EYS: variants seen among roughly 807,000 people sequenced by gnomAD.
The protein encoded by EYS is EGF-like photoreceptor maintenance factor.
Under a neutral mutation model 282.1 loss-of-function variants are expected in EYS, and 250 were observed. That is an observed-to-expected ratio of 0.89 (90% confidence interval 0.80 to 0.98). The LOEUF is 0.98. Ranked by LOEUF, EYS falls within the 50% of genes least tolerant of loss-of-function variation. The probability of loss-of-function intolerance (pLI) is 0.00; values close to 1 mark genes in which losing one functional copy is unlikely to be tolerated. For missense variants in EYS, 4,016 were observed against 3,709.0 expected, an observed-to-expected ratio of 1.08 and a Z score of -2.15; for synonymous variants, 1,355 against 1,282.9, an observed-to-expected ratio of 1.06 and a Z score of -1.20.
chr6:64,653,575 T>C (rs1419340591), intron 22 of EYS, among the ~76,000 whole-genome samples: 2 of 152,082 alleles, frequency 1.3e-5, no homozygotes, highest in Admixed American at 6.6e-5. Flanking sequence ...ATTGTCTTTC[T>C]TTTCATTTTT....
intron 12 of EYS, among the ~76,000 whole-genome samples, chr6:65,192,030 T>C (rs1437580729): frequency 6.6e-6 from 1 of 151,770 alleles, no homozygotes; most frequent in African/African-American, 2.4e-5. Context: ...GCTGTTTAAA[T>C]TGAAATGGCC....
intron 28 of EYS, among the ~76,000 whole-genome samples, chr6:64,394,253 C>A (rs1193147614): frequency 2.6e-5 from 4 of 151,980 alleles, no homozygotes; most frequent in East Asian, 1.9e-4. Flanking sequence ...GCTACCAATG[C>A]CTTTCTTCAC....
At chr6:64,235,384 C>T (rs1286233452) in intron 30 of EYS, among the ~76,000 whole-genome samples, 2 of 151,938 alleles carry the variant, frequency 1.3e-5, no homozygotes, top group Non-Finnish European at 2.9e-5. Context: ...ATGATGATTT[C>T]CAATTTCATC....
intron 30 of EYS, among the ~76,000 whole-genome samples, chr6:64,278,140 T>C (rs991686369): frequency 6.6e-6 from 1 of 152,128 alleles, no homozygotes; most frequent in Non-Finnish European, 1.5e-5. Flanking sequence ...CCTTATGAGA[T>C]AGTAAATTCC....
intron 15 of EYS, among the ~76,000 whole-genome samples, chr6:64,916,832 C>A (rs1395080458): frequency 2.0e-5 from 3 of 152,126 alleles, no homozygotes; most frequent in South Asian, 2.1e-4. Context: ...GTGAGAAAAT[C>A]TAAATTCATT....
At chr6:65,572,726 T>C (rs543868035) in intron 2 of EYS, among the ~76,000 whole-genome samples, 1 of 152,212 alleles carries the variant, frequency 6.6e-6, no homozygotes, top group African/African-American at 2.4e-5. Flanking sequence ...ATAGCAAAAT[T>C]GTCCAACAAT....
At chr6:65,528,308 C>T (rs920190738) in intron 2 of EYS, among the ~76,000 whole-genome samples, 1 of 152,104 alleles carries the variant, frequency 6.6e-6, no homozygotes, top group Non-Finnish European at 1.5e-5. Context: ...TACAATCTAC[C>T]AACTAGGTTC....
At chr6:65,306,859 A>AAAAAAAAAAAAAAAAG (rs1346343044) in intron 11 of EYS, among the ~76,000 whole-genome samples, 8 of 142,392 alleles carry the variant, frequency 5.6e-5, no homozygotes, top group Non-Finnish European at 9.2e-5. Flanking sequence ...AAAAAAAAAA[A>AAAAAAAAAAAAAAAAG]AAAGAAAGTC....
chr6:65,478,421 C>A (rs1292039475), intron 5 of EYS, among the ~76,000 whole-genome samples: 1 of 152,000 alleles, frequency 6.6e-6, no homozygotes, highest in Non-Finnish European at 1.5e-5. Context: ...TTATGCCAAA[C>A]AATAACAAAA....
At position 65,495,470 on chromosome 6, in the gene EYS, G is replaced by A; in HGVS notation, c.-60C>T. 1.3e-6 allele frequency: 2 copies of A among 1,565,000 alleles called. No individual in the cohort carries two copies. Among genetic ancestry groups the A allele is most frequent in the Non-Finnish European group, 1.7e-6 (2 of 1,151,008 alleles). On this transcript the variant is annotated 5_prime_UTR_variant, in exon 4 of 43. Coordinates refer to ENST00000503581, the MANE Select transcript of EYS (RefSeq NM_001142800.2). ...GAATTGCTGCAAAATGGTGTTTTAA[G>A]TATTACCGGAAATTTCCAAGTAAAG...
intron 22 of EYS, among the ~76,000 whole-genome samples, chr6:64,727,589 GA>G (rs767994249): frequency 9.2e-5 from 14 of 152,052 alleles, no homozygotes; most frequent in Non-Finnish European, 1.8e-4. Context: ...AACAATCCTT[GA>G]ATTTCTTGTG....
At chr6:65,702,060 T>C (rs1297045105) in intron 1 of EYS, among the ~76,000 whole-genome samples, 1 of 152,188 alleles carries the variant, frequency 6.6e-6, no homozygotes, top group East Asian at 1.9e-4. Context: ...TAACAAATCG[T>C]CACCACCACA....
intron 12 of EYS, among the ~76,000 whole-genome samples, chr6:65,285,266 A>T (rs1230562957): frequency 1.3e-5 from 2 of 152,020 alleles, no homozygotes; most frequent in African/African-American, 4.8e-5. Context: ...CAGCTATTTT[A>T]CTATGAATAA....
intron 12 of EYS, among the ~76,000 whole-genome samples, chr6:65,072,245 GAGT>G (rs1284938257): frequency 3.3e-5 from 5 of 151,772 alleles, no homozygotes. Flanking sequence ...AATAGAAATT[GAGT>G]AGGACAGGGA....
intron 29 of EYS, among the ~76,000 whole-genome samples, chr6:64,362,247 A>G (rs1366997042): frequency 6.6e-6 from 1 of 151,850 alleles, no homozygotes; most frequent in African/African-American, 2.4e-5. Context: ...AACAAAATCT[A>G]TACAGAAAAT....
chr6:63,827,191 A>G (rs1309086349), intron 36 of EYS, among the ~76,000 whole-genome samples: 1 of 152,250 alleles, frequency 6.6e-6, no homozygotes, highest in African/African-American at 2.4e-5. Context: ...ACAGTATATA[A>G]TGATAAAAGG....
At chr6:64,791,288 A>G (rs951067253) in intron 22 of EYS, among the ~76,000 whole-genome samples, 3 of 151,806 alleles carry the variant, frequency 2.0e-5, no homozygotes, top group Non-Finnish European at 4.4e-5. Flanking sequence ...TGGTAAATAA[A>G]TGTTGTTAAA....
intron 31 of EYS, among the ~76,000 whole-genome samples, chr6:64,181,650 C>A (rs116222250): frequency 0.016 from 2,384 of 152,140 alleles, 20 homozygotes; most frequent in East Asian, 0.035. Context: ...ACTTAATTAT[C>A]AGAAAGTTAC....
At chr6:64,206,606 G>T (rs1004408423) in intron 31 of EYS, among the ~76,000 whole-genome samples, 1 of 152,142 alleles carries the variant, frequency 6.6e-6, no homozygotes, top group South Asian at 2.1e-4. Context: ...AACATCGAAA[G>T]ATGGGACCTG....
Sources: allele counts gnomAD v4.1 joint callset (sites outside exome capture counted in the v4.1 genomes callset), GRCh38; gene constraint gnomAD v4.1.1; transcripts MANE v1.5; gene names NCBI Gene and HGNC (gene_info 2026-07-23, HGNC 2026-07-21).